The following NALF1 variants were observed in gnomAD, a reference collection of about 807,000 sequenced individuals.
NALF1 encodes the protein NALCN channel auxiliary factor 1.
NALF1 carries 3 observed loss-of-function variants against 48.4 expected under a neutral mutation model. The ratio of observed to expected loss-of-function variants is 0.06; its 90% confidence interval spans 0.03 to 0.16. The LOEUF (loss-of-function observed/expected upper bound fraction) is 0.16, where lower values mean the gene tolerates loss of function less well. Ranked by LOEUF, NALF1 falls within the 10% of genes least tolerant of loss-of-function variation. The pLI, the probability that NALF1 is intolerant of heterozygous loss-of-function variation, is 1.00. For synonymous variants in NALF1, 262 were observed against 245.7 expected (o/e 1.07, Z -0.62); for missense variants, 526 against 571.5 (o/e 0.92, Z 0.81).
At chr13:107,861,811 A>C (rs887782122) in intron 1 of NALF1, among the ~76,000 whole-genome samples, 1 of 152,116 alleles carries the variant, frequency 6.6e-6, no homozygotes, top group African/African-American at 2.4e-5. Context: ...TAACACTAAA[A>C]TACATAAGAA....
At chr13:107,408,600 C>T (rs1179108765) in intron 1 of NALF1, among the ~76,000 whole-genome samples, 3 of 152,040 alleles carry the variant, frequency 2.0e-5, no homozygotes, top group African/African-American at 7.2e-5. Flanking sequence ...ATGGGTAACA[C>T]AATTTTAACA....
intron 1 of NALF1, among the ~76,000 whole-genome samples, chr13:107,484,975 A>T (rs528948320): frequency 6.6e-6 from 1 of 152,298 alleles, no homozygotes; most frequent in Admixed American, 6.5e-5. Flanking sequence ...GTACTTGAGC[A>T]GTGGAACATA....
intron 1 of NALF1, among the ~76,000 whole-genome samples, chr13:107,438,089 T>C (rs1291688762): frequency 6.6e-6 from 1 of 152,224 alleles, no homozygotes; most frequent in Non-Finnish European, 1.5e-5. Flanking sequence ...TTCTGAGTGA[T>C]CTGAATATGT....
intron 1 of NALF1, among the ~76,000 whole-genome samples, chr13:107,607,094 T>C (rs1359015977): frequency 6.6e-6 from 1 of 152,192 alleles, no homozygotes; most frequent in Non-Finnish European, 1.5e-5. Context: ...AATTACCTTT[T>C]GCACTCAATC....
At chr13:107,282,446 G>A (rs916671291) in intron 1 of NALF1, among the ~76,000 whole-genome samples, 2 of 152,218 alleles carry the variant, frequency 1.3e-5, no homozygotes, top group Admixed American at 6.5e-5. Context: ...TGTTGACTAA[G>A]AGGATATTGG....
At chr13:107,582,334 G>T (rs895304375) in intron 1 of NALF1, among the ~76,000 whole-genome samples, 5 of 152,128 alleles carry the variant, frequency 3.3e-5, no homozygotes, top group African/African-American at 1.2e-4. Context: ...ACCACAGAGG[G>T]TAACAAACAT....
intron 1 of NALF1, among the ~76,000 whole-genome samples, chr13:107,746,504 T>C (rs1876784983): frequency 1.3e-5 from 2 of 152,246 alleles, no homozygotes; most frequent in South Asian, 2.1e-4. Context: ...TGTTTTAGCA[T>C]AGGCATTTTT....
chr13:107,717,126 C>T (rs1272000885), intron 1 of NALF1, among the ~76,000 whole-genome samples: 2 of 152,156 alleles, frequency 1.3e-5, no homozygotes, highest in Non-Finnish European at 2.9e-5. Context: ...GACCTAGGTG[C>T]TTTATGTTGT....
At position 107,651,375 on chromosome 13, in the gene NALF1, C is replaced by T. The variant is rs540213625; in HGVS notation, c.915+214307G>A. On this transcript the variant is annotated intron_variant, in intron 1 of 2. Coordinates refer to ENST00000375915, the MANE Select transcript of NALF1 (RefSeq NM_001080396.3). ...AACGTCGAAATGTCAGGCCACAAAA[C>T]TCAATTTTTTGTTACCTTATTTGAA... is the stretch of plus-strand genomic sequence containing the variant. 2.0e-5 allele frequency among the ~76,000 whole-genome samples: 3 copies of T among 152,308 alleles called. No individual in the cohort carries two copies. In the East Asian group the frequency reaches 5.8e-4, roughly 29 times the overall value.
chr13:107,595,092 C>T (rs993963569), intron 1 of NALF1, among the ~76,000 whole-genome samples: 2 of 152,078 alleles, frequency 1.3e-5, no homozygotes, highest in African/African-American at 4.8e-5. Flanking sequence ...GTTCAAGGAA[C>T]ATGAACAGAC....
chr13:107,378,973 C>A (rs1395428108), intron 1 of NALF1, among the ~76,000 whole-genome samples: 2 of 152,122 alleles, frequency 1.3e-5, no homozygotes, highest in African/African-American at 2.4e-5. Context: ...ATTAAGATCT[C>A]ATTAATTTGG....
intron 1 of NALF1, among the ~76,000 whole-genome samples, chr13:107,350,514 G>A (rs369214244): frequency 6.6e-6 from 1 of 152,160 alleles, no homozygotes; most frequent in South Asian, 2.1e-4. Context: ...TGAAGCTGAG[G>A]GGACAGCTAC....
intron 1 of NALF1, among the ~76,000 whole-genome samples, chr13:107,744,920 C>T (rs901942486): frequency 2.0e-5 from 3 of 152,210 alleles, no homozygotes; most frequent in African/African-American, 7.2e-5. Context: ...ATTCATCTCA[C>T]CGTGACTGTC....
chr13:107,266,500 T>A (rs1156636100), intron 1 of NALF1, among the ~76,000 whole-genome samples: 1 of 152,196 alleles, frequency 6.6e-6, no homozygotes, highest in Non-Finnish European at 1.5e-5. Flanking sequence ...ATTTTCTCAC[T>A]ACTCTTAAGT....
At chr13:107,847,132 A>G (rs1357248736) in intron 1 of NALF1, among the ~76,000 whole-genome samples, 1 of 152,062 alleles carries the variant, frequency 6.6e-6, no homozygotes, top group Non-Finnish European at 1.5e-5. Flanking sequence ...TTTTTATTTC[A>G]TTAATTAAAA....
intron 1 of NALF1, among the ~76,000 whole-genome samples, chr13:107,289,839 C>A (rs1881578551): frequency 1.3e-5 from 2 of 152,206 alleles, no homozygotes; most frequent in South Asian, 4.2e-4. Context: ...ACGGTCATTC[C>A]TCTGAGTCAC....
chr13:107,747,520 T>A (rs79921986), intron 1 of NALF1, among the ~76,000 whole-genome samples: 5,791 of 152,248 alleles, frequency 0.038, 256 homozygotes, highest in African/African-American at 0.11. Flanking sequence ...TAAAGATTTT[T>A]ACAACCAACT....
chr13:107,285,216 A>C (rs1193585034), intron 1 of NALF1, among the ~76,000 whole-genome samples: 1 of 152,202 alleles, frequency 6.6e-6, no homozygotes, highest in Admixed American at 6.5e-5. Flanking sequence ...TCACAGATTC[A>C]CCTGTCTTCT....
chr13:107,753,202 T>C (rs1210377574), intron 1 of NALF1, among the ~76,000 whole-genome samples: 4 of 152,312 alleles, frequency 2.6e-5, no homozygotes, highest in Non-Finnish European at 4.4e-5. Context: ...CCACAGGCCT[T>C]TCCTATTATC....
Sources: gnomAD v4.1 joint callset for allele counts (sites outside exome capture counted in the v4.1 genomes callset) on GRCh38, gnomAD v4.1.1 for gene constraint, MANE v1.5 for transcripts, NCBI Gene and HGNC (gene_info 2026-07-23, HGNC 2026-07-21) for gene names.